The following HHLA1 variants were observed in gnomAD, a reference collection of about 807,000 sequenced individuals.
HHLA1 encodes HERV-H LTR-associating protein 1.
HHLA1 carries 72 observed loss-of-function variants against 69.9 expected under a neutral mutation model. That is an observed-to-expected ratio of 1.03 (90% CI 0.85 to 1.25). The LOEUF (loss-of-function observed/expected upper bound fraction) is 1.25. Among genes scored for constraint, HHLA1 ranks in the 50% most tolerant of loss-of-function variants. The pLI is 0.00. For missense variants in HHLA1, 685 were observed against 642.2 expected (o/e 1.07, Z -0.72); for synonymous variants, 252 against 233.2 (o/e 1.08, Z -0.73).
intron 14 of HHLA1, among the ~76,000 whole-genome samples, chr8:132,074,050 C>T (rs117638329): frequency 6.6e-6 from 1 of 152,340 alleles, no homozygotes; most frequent in East Asian, 1.9e-4. Flanking sequence ...CACTCCTTGA[C>T]ATGGTGACAA....
At chr8:132,095,189 C>T (rs1824003074) in intron 7 of HHLA1, among the ~76,000 whole-genome samples, 1 of 152,140 alleles carries the variant, frequency 6.6e-6, no homozygotes, top group African/African-American at 2.4e-5. Flanking sequence ...CATGCACAGG[C>T]CAAATTTGAG....
At chr8:132,109,623 G>T (rs1019501426) in intron 1 of HHLA1, among the ~76,000 whole-genome samples, 5 of 152,110 alleles carry the variant, frequency 3.3e-5, no homozygotes, top group African/African-American at 1.2e-4. Context: ...ATTGATCTTT[G>T]AGTTACAGAA....
intron 7 of HHLA1, among the ~76,000 whole-genome samples, chr8:132,089,970 C>A (rs912306087): frequency 1.3e-5 from 2 of 152,152 alleles, no homozygotes; most frequent in African/African-American, 4.8e-5. Context: ...TGATAGGAAG[C>A]AGCCCCACAG....
rs550398910 is a variant in HHLA1 at position 132,085,090 on chromosome 8, G to A, written c.676+2563C>T. 6.1e-3 allele frequency among the ~76,000 whole-genome samples: 921 copies of A among 152,088 alleles called. 7 individuals are homozygous for A. The highest frequency in any genetic ancestry group is 0.021 in the African/African-American group (888 of 41,442). Reference sequence around the variant, plus strand: ...GTACTTGCCCCTTCCCCAGAAAAGTGGGACTTGCCGCTAAGGGTGAAGGAC... The same window carrying A: ...GTACTTGCCCCTTCCCCAGAAAAGTAGGACTTGCCGCTAAGGGTGAAGGAC... On this transcript the variant is annotated intron_variant, in intron 10 of 16. Coordinates refer to ENST00000414222, the MANE Select transcript of HHLA1 (RefSeq NM_001145095.3).
In HHLA1 at chr8:132,065,934, T is replaced by C. The variant is rs1165450849; in HGVS notation, c.1504A>G (p.Asn502Asp). 3.1e-6 allele frequency: 4 copies of C among 1,302,512 alleles called. No homozygotes were observed. The highest frequency in any genetic ancestry group is 4.1e-6 in the Non-Finnish European group (4 of 986,390). 80.7% of individuals were successfully genotyped at this position (1,302,512 alleles called of 1,614,324 possible). A position where few individuals can be genotyped will look rare whatever the true frequency, so the allele number is the denominator to read the frequency against. Residue 502 changes from asparagine (N) to aspartate (D), a missense_variant, in exon 16 of 17, where the codon AAT becomes GAT. Coordinates refer to ENST00000414222, the MANE Select transcript of HHLA1 (RefSeq NM_001145095.3). ...ACCCTCTGACAGATATATGTTGCAT[T>C]CTTCAGAAACCAGGAATAGTATTCA... ...CLEYYSWFLK[N>D]ATYICQRVKR...
At position 132,071,164 on chromosome 8, in the gene HHLA1, C is replaced by T. The variant is rs149784116; in HGVS notation, c.1469+176G>A. Among the ~76,000 whole-genome samples, 459 of 152,296 alleles carry T rather than the reference C, an allele frequency of 3.0e-3. 5 individuals carry two copies. The highest frequency in any genetic ancestry group is 0.011 in the African/African-American group (441 of 41,574). ...ATGAATGAGATTCCATCATGAATCT[C>T]AAGGATGTGACTGTCTAGTAAAGGA... On this transcript the variant is annotated intron_variant, in intron 15 of 16. Coordinates refer to ENST00000414222, the MANE Select transcript of HHLA1 (RefSeq NM_001145095.3).
In HHLA1 at chr8:132,078,861, A is replaced by T. The variant is rs115514460; in HGVS notation, c.925+857T>A. ...TGAATTCTGATGACAATATTGTCTC[A>T]GTGGGTCCATTGTTGGAACCCACTG... On this transcript the variant is annotated intron_variant, in intron 11 of 16. Coordinates refer to ENST00000414222, the MANE Select transcript of HHLA1 (RefSeq NM_001145095.3). Among the ~76,000 whole-genome samples the T allele has an allele frequency of 7.1e-3, 1,081 of 152,310 alleles. 12 individuals carry two copies. Among genetic ancestry groups the T allele is most frequent in the African/African-American group, 0.023 (975 of 41,564 alleles).
chr8:132,099,659 G>C (rs1270095069), intron 4 of HHLA1, among the ~76,000 whole-genome samples: 1 of 152,118 alleles, frequency 6.6e-6, no homozygotes, highest in Non-Finnish European at 1.5e-5. Flanking sequence ...TTTGAGACCA[G>C]CCTGGCCAAC....
intron 10 of HHLA1, among the ~76,000 whole-genome samples, chr8:132,083,974 C>A (rs1013486075): frequency 6.6e-6 from 1 of 150,826 alleles, no homozygotes; most frequent in Non-Finnish European, 1.5e-5. Flanking sequence ...GCCTTTTGAC[C>A]TTTTAGGGTC....
intron 10 of HHLA1, 188 bp from the exon 11 acceptor site, chr8:132,080,154 G>C: frequency 1.3e-6 from 1 of 783,214 alleles, no homozygotes. Context: ...TCCACCTCCA[G>C]CCCTCAGCCT....
At chr8:132,090,329 T>C (rs899298108) in intron 7 of HHLA1, among the ~76,000 whole-genome samples, 1 of 152,222 alleles carries the variant, frequency 6.6e-6, no homozygotes, top group African/African-American at 2.4e-5. Context: ...TGTTCATTTA[T>C]GGCTTTCCAC....
At chr8:132,070,216 G>A (rs1823510389) in intron 15 of HHLA1, 3 of 658,248 alleles carry the variant, frequency 4.6e-6, no homozygotes, top group East Asian at 5.4e-5. Context: ...TTAGTTCTGG[G>A]TTTACAGCCA....
rs1563742253 is a variant in HHLA1 at position 132,077,742 on chromosome 8, CT to C, written c.1154del (p.Gln385ArgfsTer82). 6.4e-7 allele frequency: 1 copy of C among 1,551,610 alleles called. No individual in the cohort carries two copies. On this transcript the variant is annotated frameshift_variant, in exon 12 of 17. Coordinates refer to ENST00000414222, the MANE Select transcript of HHLA1 (RefSeq NM_001145095.3). LOFTEE classifies it high-confidence loss of function. Reference sequence around the variant, plus strand: ...CTCTCTTACCCAAGGTAGGGCTGGCCTGGGATGGGCTGCCAGGTGTGGCCAT... The same window carrying C: ...CTCTCTTACCCAAGGTAGGGCTGGCCGGGATGGGCTGCCAGGTGTGGCCAT... ...EIMATPGSPSQASPTLGAFTH... is the reference protein window; with the variant it reads ...EIMATPGSPSXASPTLGAFTH...
chr8:132,109,269 T>C (rs1310548290), intron 1 of HHLA1, among the ~76,000 whole-genome samples: 1 of 152,190 alleles, frequency 6.6e-6, no homozygotes, highest in East Asian at 1.9e-4. Context: ...GGCATAGTTG[T>C]TACAAGCACA....
At chr8:132,097,524 A>G (rs1824044522) in intron 5 of HHLA1, among the ~76,000 whole-genome samples, 1 of 152,172 alleles carries the variant, frequency 6.6e-6, no homozygotes, top group Non-Finnish European at 1.5e-5. Flanking sequence ...AAGAGTTTTG[A>G]GCTCCTCGAA....
intron 14 of HHLA1, among the ~76,000 whole-genome samples, chr8:132,075,816 A>T (rs181232621): frequency 5.9e-4 from 90 of 152,344 alleles, no homozygotes; most frequent in Non-Finnish European, 1.0e-3. Context: ...TGGGAAAGAT[A>T]AAAAAACAGG....
rs895553778 is a variant in HHLA1 at position 132,087,719 on chromosome 8, A to G, written c.610T>C (p.Trp204Arg). The G allele has an allele frequency of 7.1e-6, 11 of 1,551,464 alleles. No individual in the cohort carries two copies. The highest frequency in any genetic ancestry group is 8.7e-6 in the Non-Finnish European group (10 of 1,146,768). Residue 204 changes from tryptophan (W) to arginine (R), a missense_variant, in exon 10 of 17, where the codon TGG becomes CGG. By Grantham distance (101) the Trp-to-Arg change is moderately radical. Coordinates refer to ENST00000414222, the MANE Select transcript of HHLA1 (RefSeq NM_001145095.3). Reference sequence around the variant, plus strand: ...ATGGGATATTTTTCTTCTATCTCCCAGAAGTCAGAAAGATTCCTTCCTGCA... The same window carrying G: ...ATGGGATATTTTTCTTCTATCTCCCGGAAGTCAGAAAGATTCCTTCCTGCA... Reference protein sequence around the residue: ...GKSGRNLSDFWEIEEKYPIIN... With the variant: ...GKSGRNLSDFREIEEKYPIIN...
chr8:132,101,582 A>T (rs1586735486), intron 3 of HHLA1, among the ~76,000 whole-genome samples: 1 of 145,266 alleles, frequency 6.9e-6, no homozygotes, highest in African/African-American at 2.5e-5. Flanking sequence ...TACCCTATTA[A>T]TTTTTTTTTT....
rs1235670139 is a variant in HHLA1, at chr8:132,087,516, T to A, written c.676+137A>T. ...AAGAGAATCCAGAAATTCATTTTTT[T>A]AAAATGACGAAGTTCTCTGATTTTT... On this transcript the variant is annotated intron_variant, in intron 10 of 16. Coordinates refer to ENST00000414222, the MANE Select transcript of HHLA1 (RefSeq NM_001145095.3). 8.2e-6 allele frequency: 5 copies of A among 612,150 alleles called. No homozygotes were observed. In the East Asian group the frequency reaches 8.4e-5, roughly 10 times the overall value. 37.9% of individuals were successfully genotyped at this position (612,150 alleles called of 1,614,324 possible).
Sources: allele counts gnomAD v4.1 joint callset (sites outside exome capture counted in the v4.1 genomes callset), GRCh38; gene constraint gnomAD v4.1.1; transcripts MANE v1.5; gene names NCBI Gene and HGNC (gene_info 2026-07-23, HGNC 2026-07-21).